Variants in ADK observed in about 807,000 individuals in gnomAD.
The protein encoded by ADK is adenosine kinase, also known as N6,N6-dimethyladenosine kinase.
Under a neutral mutation model 44.7 loss-of-function variants are expected in ADK, and 24 were observed. The observed-to-expected ratio is 0.54, with a 90% confidence interval of 0.39 to 0.76. The LOEUF (loss-of-function observed/expected upper bound fraction) is 0.76. Ranked by LOEUF, ADK falls within the 30% of genes least tolerant of loss-of-function variation. The pLI is 0.00. For synonymous variants in ADK, 128 were observed against 142.6 expected (o/e 0.90, Z 0.73); for missense variants, 321 against 425.1 (o/e 0.76, Z 2.15).
chr10:74,430,771 A>G lies in ADK; in HGVS notation c.555+32192A>G, dbSNP rs113566826. ...GAGGCCTGAAGGAAGTGAAGAAAAA[A>G]GCCATACAGCTGTTTGGGGAAAGCA... On this transcript the variant is annotated intron_variant, in intron 6 of 10. Transcript: ENST00000539909. 5.1e-3 allele frequency among the ~76,000 whole-genome samples: 768 copies of G among 152,038 alleles called. 12 individuals carry two copies. Among genetic ancestry groups the G allele is most frequent in the African/African-American group, 0.017 (717 of 41,474 alleles).
chr10:74,554,344 G>A (rs1048582490), intron 7 of ADK, among the ~76,000 whole-genome samples: 1 of 152,012 alleles, frequency 6.6e-6, no homozygotes, highest in Admixed American at 6.6e-5. Context: ...TTCTGACTTT[G>A]GGGTTTTCAT....
chr10:74,515,240 C>T (rs1848519039), intron 6 of ADK, among the ~76,000 whole-genome samples: 1 of 152,064 alleles, frequency 6.6e-6, no homozygotes, highest in Non-Finnish European at 1.5e-5. Context: ...AGCTGTAATC[C>T]ACTCTAGTGG....
At chr10:74,558,555 A>G (rs1247775679) in intron 7 of ADK, among the ~76,000 whole-genome samples, 1 of 152,088 alleles carries the variant, frequency 6.6e-6, no homozygotes, top group Non-Finnish European at 1.5e-5. Context: ...TGTAAGATGC[A>G]CCTTGCTTCT....
At chr10:74,595,404 T>TTAGA (rs1851874133) in intron 8 of ADK, among the ~76,000 whole-genome samples, 2 of 103,188 alleles carry the variant, frequency 1.9e-5, no homozygotes, top group African/African-American at 7.7e-5. Flanking sequence ...GGGAGGGGGT[T>TTAGA]TGGCTTTGTC....
intron 7 of ADK, among the ~76,000 whole-genome samples, chr10:74,580,583 A>C (rs1467974805): frequency 3.9e-5 from 6 of 151,926 alleles, no homozygotes; most frequent in African/African-American, 1.2e-4. Context: ...CTAAAAAAAA[A>C]AAAAAAAGGA....
At chr10:74,372,643 A>G (rs906358394) in intron 4 of ADK, among the ~76,000 whole-genome samples, 1 of 152,210 alleles carries the variant, frequency 6.6e-6, no homozygotes, top group Non-Finnish European at 1.5e-5. Context: ...AAGTATAAAT[A>G]TAACAACAGA....
chr10:74,387,913 T>C (rs1232179205), intron 4 of ADK, among the ~76,000 whole-genome samples: 1 of 152,114 alleles, frequency 6.6e-6, no homozygotes, highest in Non-Finnish European at 1.5e-5. Context: ...TTTTTTCTTT[T>C]TTCTTTTTTT....
chr10:74,349,815 AAAG>A (rs764400070), intron 4 of ADK, among the ~76,000 whole-genome samples: 1 of 152,216 alleles, frequency 6.6e-6, no homozygotes, highest in African/African-American at 2.4e-5. Context: ...CAAAAAAGAC[AAAG>A]AAGGGCATTA....
At chr10:74,696,839 G>T (rs1235575006) in intron 10 of ADK, among the ~76,000 whole-genome samples, 1 of 152,030 alleles carries the variant, frequency 6.6e-6, no homozygotes, top group Non-Finnish European at 1.5e-5. Context: ...AGGCCTGAGG[G>T]GTCCTTATAG....
intron 6 of ADK, among the ~76,000 whole-genome samples, chr10:74,415,035 T>C (rs531371589): frequency 1.8e-4 from 27 of 152,306 alleles, no homozygotes; most frequent in Non-Finnish European, 3.2e-4. Flanking sequence ...GGGATAGTAT[T>C]GGTTATGGGA....
At chr10:74,464,371 AC>A (rs1194063963) in intron 6 of ADK, among the ~76,000 whole-genome samples, 2 of 151,054 alleles carry the variant, frequency 1.3e-5, no homozygotes, top group Non-Finnish European at 2.9e-5. Flanking sequence ...ACATAGGGAG[AC>A]CCCCATCTCT....
At chr10:74,378,423 A>G (rs1842879159) in intron 4 of ADK, among the ~76,000 whole-genome samples, 1 of 152,196 alleles carries the variant, frequency 6.6e-6, no homozygotes, top group South Asian at 2.1e-4. Context: ...GCATCCTACA[A>G]TAACATGAAT....
chr10:74,448,813 CAT>C (rs1845674749), intron 6 of ADK, among the ~76,000 whole-genome samples: 1 of 152,078 alleles, frequency 6.6e-6, no homozygotes, highest in African/African-American at 2.4e-5. Flanking sequence ...TATTTACACA[CAT>C]ACAATAATAT....
At chr10:74,642,953 C>T (rs1370777359) in intron 9 of ADK, among the ~76,000 whole-genome samples, 1 of 151,114 alleles carries the variant, frequency 6.6e-6, no homozygotes, top group Non-Finnish European at 1.5e-5. Context: ...GATCCTCTTA[C>T]CTCAGCCTCC....
At chr10:74,659,766 T>C (rs1442326907) in intron 9 of ADK, among the ~76,000 whole-genome samples, 1 of 152,170 alleles carries the variant, frequency 6.6e-6, no homozygotes, top group Non-Finnish European at 1.5e-5. Context: ...CAGGAGAAAG[T>C]TGTAGGCTGG....
At chr10:74,492,611 G>A (rs1196952055) in intron 6 of ADK, among the ~76,000 whole-genome samples, 2 of 152,136 alleles carry the variant, frequency 1.3e-5, no homozygotes, top group Admixed American at 1.3e-4. Context: ...TCATGATTGG[G>A]CAATGAATGA....
chr10:74,250,872 A>G (rs1411806873), intron 3 of ADK, among the ~76,000 whole-genome samples: 1 of 152,132 alleles, frequency 6.6e-6, no homozygotes, highest in Admixed American at 6.5e-5. Flanking sequence ...CTAGGGCTAC[A>G]GATGTGTGCC....
At chr10:74,440,445 G>A (rs1347712798) in intron 6 of ADK, among the ~76,000 whole-genome samples, 2 of 151,996 alleles carry the variant, frequency 1.3e-5, no homozygotes, top group African/African-American at 4.8e-5. Flanking sequence ...ATTCCCAGTT[G>A]TGCCTTTTAT....
At chr10:74,596,733 G>C (rs2133950238) in intron 8 of ADK, among the ~76,000 whole-genome samples, 1 of 152,172 alleles carries the variant, frequency 6.6e-6, no homozygotes, top group East Asian at 1.9e-4. Flanking sequence ...TTTTTGTAGA[G>C]ATGAAGTTTT....
Sources: gnomAD v4.1 joint callset for allele counts (sites outside exome capture counted in the v4.1 genomes callset) on GRCh38, gnomAD v4.1.1 for gene constraint, MANE v1.5 for transcripts, NCBI Gene and HGNC (gene_info 2026-07-23, HGNC 2026-07-21) for gene names.